Variants in NFKBID observed in about 807,000 individuals in gnomAD.
NFKBID encodes the protein NFKB inhibitor delta, also known as NF-kappa-B inhibitor delta.
A neutral mutation model predicts 53.4 loss-of-function variants in NFKBID; 26 were observed. The ratio of observed to expected loss-of-function variants is 0.49; its 90% CI spans 0.36 to 0.68. NFKBID has a LOEUF of 0.68. Among genes scored for constraint, NFKBID ranks in the 30% least tolerant of loss-of-function variants. The pLI, the probability that NFKBID is intolerant of heterozygous loss-of-function variation, is 0.00. For missense variants in NFKBID, 493 were observed against 614.1 expected (o/e 0.80, Z 2.08); for synonymous variants, 262 against 259.8 (o/e 1.01, Z -0.08).
Position 35,896,565 on chromosome 19 carries a change from G to A in NFKBID, c.685-27C>T, listed in dbSNP as rs1465637928. ...TGCAGGCCACAGGAGAAGTCAGGTT[G>A]GGCTCCTGGTTCCCTCCCGTCAGAA... On this transcript the variant is annotated intron_variant, in intron 6 of 11. Coordinates refer to ENST00000641389, the Ensembl canonical transcript of NFKBID. This position sits in a 1 kb window ranked among gnomAD's most constrained non-coding sequence, Gnocchi z 5.7. 3 of 1,612,166 alleles carry A rather than the reference G, an allele frequency of 1.9e-6. No homozygotes were observed. The highest frequency in any genetic ancestry group is 1.3e-5 in the African/African-American group (1 of 74,912).
At position 35,888,279 on chromosome 19, in the gene NFKBID, G is replaced by A; in HGVS notation, c.*280C>T. 7.3e-6 allele frequency: 3 copies of A among 411,306 alleles called. No individual in the cohort carries two copies. In the South Asian group the frequency reaches 9.1e-5, roughly 13 times the overall value. 25.5% of individuals were successfully genotyped at this position (411,306 alleles called of 1,614,324 possible). On this transcript the variant is annotated 3_prime_UTR_variant, in exon 12 of 12. Transcript: ENST00000641389. ...GAGAGAACCCGAAAGATCTCAGTGG[G>A]GAAAGGACTAGGGGTGCAGGGTGTT...
In NFKBID at chr19:35,896,865, C is replaced by A; in HGVS notation, c.579-34G>T. ...AGGTGGGGGACAGCCGTGAGAACAGCCCCCACCAAGCCAAGAGTCTGCAGA... is the reference window on the plus strand; with the variant it reads ...AGGTGGGGGACAGCCGTGAGAACAGACCCCACCAAGCCAAGAGTCTGCAGA... On this transcript the variant is annotated intron_variant, in intron 5 of 11. Transcript: ENST00000641389. The surrounding 1 kb of genome is among the most constrained non-coding windows in gnomAD (Gnocchi z 5.7). 2 of 1,613,606 alleles carry A rather than the reference C, an allele frequency of 1.2e-6. No homozygotes were observed. Among genetic ancestry groups the A allele is most frequent in the South Asian group, 1.1e-5 (1 of 91,064 alleles).
At chr19:35,891,696 G>A (rs778078979) in intron 9 of NFKBID, among the ~76,000 whole-genome samples, 19 of 152,006 alleles carry the variant, frequency 1.2e-4, no homozygotes, top group African/African-American at 2.9e-4. Context: ...TGGTGAAACC[G>A]TCTCTACTAA....
chr19:35,888,254 G>T, exon 12 of NFKBID: 1 of 355,834 alleles, frequency 2.8e-6, no homozygotes, highest in Non-Finnish European at 5.2e-6. Flanking sequence ...TGAGTTAGGG[G>T]AGAGAACCCG....
rs140288886 is a variant in NFKBID at position 35,891,862 on chromosome 19, G to A, written c.1033-1372C>T. 1.1e-4 allele frequency among the ~76,000 whole-genome samples: 17 copies of A among 149,814 alleles called. No individual in the cohort carries two copies. In the East Asian group the frequency reaches 3.2e-3, roughly 28 times the overall value. On this transcript the variant is annotated intron_variant, in intron 9 of 11. Coordinates refer to ENST00000641389, the Ensembl canonical transcript of NFKBID. The stretch of plus-strand genomic sequence containing the variant: ...AGCCTGGGCAACAGAGTGAGACTCC[G>A]TCTCAAAAAAAAAAAGCTATGTTTT...
At position 35,896,783 on chromosome 19, in the gene NFKBID, A is replaced by C; in HGVS notation, c.627T>G (p.Ala209=). 5.6e-6 allele frequency: 9 copies of C among 1,613,974 alleles called. No homozygotes were observed. Among genetic ancestry groups the C allele is most frequent in the Non-Finnish European group, 7.6e-6 (9 of 1,179,890 alleles). The change falls in exon 6 of 12, where the codon GCT becomes GCG. Residue 209 remains alanine, a synonymous_variant. Transcript: ENST00000641389. The surrounding 1 kb of genome is among the most constrained non-coding windows in gnomAD (Gnocchi z 5.7). ...GGTACACCTGGAGCACCTCAGCCGC[A>C]GCATATGCCGCCCAGCGCAGCCCCC...
exon 4 of NFKBID, chr19:35,897,763 T>C (rs928899797): frequency 8.7e-6 from 14 of 1,608,032 alleles, no homozygotes; most frequent in Admixed American, 1.7e-5. Flanking sequence ...GCTGTCAGTG[T>C]AGGCAGCATG....
At chr19:35,888,123 C>T (rs1002231724), downstream of NFKBID, 1 of 166,578 alleles carries the variant, frequency 6.0e-6, no homozygotes, top group Non-Finnish European at 1.3e-5. Context: ...GGGTGAGGAC[C>T]TGAAGGGTGT....
chr19:35,901,873 C>A (rs912172137), upstream of NFKBID: 3 of 389,918 alleles, frequency 7.7e-6, no homozygotes, highest in Non-Finnish European at 1.4e-5. Context: ...CCCCTGCTTT[C>A]AAGATGCCAT....
chr19:35,890,223 T>C, intron 10 of NFKBID, 151 bp downstream of exon 10: 1 of 848,236 alleles, frequency 1.2e-6, no homozygotes, highest in Non-Finnish European at 1.9e-6. Flanking sequence ...GGACTACATG[T>C]TCTGGGGCAA....
exon 3 of NFKBID, chr19:35,898,529 G>T (rs749904137): frequency 1.3e-6 from 2 of 1,531,510 alleles, no homozygotes; most frequent in South Asian, 2.4e-5. Context: ...GGGAGAAATT[G>T]TCCCTGTAGA....
chr19:35,902,175 G>C (rs751268074), upstream of NFKBID: 1 of 702,848 alleles, frequency 1.4e-6, no homozygotes, highest in South Asian at 1.5e-5. Flanking sequence ...CACTTTCCCC[G>C]CAAACCCACT....
intron 9 of NFKBID, among the ~76,000 whole-genome samples, chr19:35,892,862 T>C (rs1974868854): frequency 6.6e-6 from 1 of 152,220 alleles, no homozygotes; most frequent in South Asian, 2.1e-4. Flanking sequence ...AAGTGGTCTT[T>C]TCTTATTAAA....
rs759492530 is a variant in NFKBID, at chr19:35,896,145, GT to G, written c.884-18del. On this transcript the variant is annotated intron_variant, in intron 8 of 11. Transcript: ENST00000641389. This position sits in a 1 kb window ranked among gnomAD's most constrained non-coding sequence, Gnocchi z 5.7. ...GGGTGAGGCCTGCAGAATGGAGACA[GT>G]GAGGGACCCGCATCTGCACCCACCT... is the stretch of plus-strand genomic sequence containing the variant. 1.2e-6 allele frequency: 2 copies of G among 1,614,012 alleles called. No homozygotes were observed. Among genetic ancestry groups the G allele is most frequent in the Non-Finnish European group, 1.7e-6 (2 of 1,179,880 alleles).
chr19:35,888,605 T>G, exon 12 of NFKBID: 1 of 1,571,634 alleles, frequency 6.4e-7, no homozygotes, highest in Non-Finnish European at 8.6e-7. Flanking sequence ...CTTCAACAGC[T>G]GCCGGAGCTG....
At chr19:35,897,058 C>T (rs775054726) in exon 5 of NFKBID, 4 of 1,599,418 alleles carry the variant, frequency 2.5e-6, no homozygotes, top group African/African-American at 2.7e-5. Context: ...CAGGGTCCAG[C>T]CTGTGGCAGA....
chr19:35,892,404 G>A (rs181184557), intron 9 of NFKBID, among the ~76,000 whole-genome samples: 1 of 151,824 alleles, frequency 6.6e-6, no homozygotes, highest in Non-Finnish European at 1.5e-5. Context: ...ACAAAAATTA[G>A]TGGGGTGTGA....
intron 1 of NFKBID, among the ~76,000 whole-genome samples, chr19:35,899,106 C>T (rs1009543174): frequency 2.6e-5 from 4 of 152,208 alleles, no homozygotes; most frequent in African/African-American, 9.7e-5. Flanking sequence ...TCTGCAGCAA[C>T]CACCCCACTT....
rs758398436 is a variant in NFKBID at position 35,896,398 on chromosome 19, A to G, written c.825T>C (p.Val275=). Residue 275 remains valine (V), a synonymous_variant, in exon 7 of 12, where the codon GTT becomes GTC. Transcript: ENST00000641389. The surrounding 1 kb of genome is among the most constrained non-coding windows in gnomAD (Gnocchi z 5.7). ...GCCTGCCAGCTGGCCATACCAAGAGAACTCCTGGGAGCCCGTAGGTAGCGG... is the reference window on the plus strand; with the variant it reads ...GCCTGCCAGCTGGCCATACCAAGAGGACTCCTGGGAGCCCGTAGGTAGCGG... 4 of 1,614,110 alleles carry G rather than the reference A, an allele frequency of 2.5e-6. No homozygotes were observed. Among genetic ancestry groups the G allele is most frequent in the Middle Eastern group, 3.3e-4 (2 of 6,062 alleles).
Sources: gnomAD v4.1 joint callset for allele counts (sites outside exome capture counted in the v4.1 genomes callset) on GRCh38, gnomAD v4.1.1 for gene constraint, Gnocchi (gnomAD v3.1) non-coding constraint, MANE v1.5 for transcripts, NCBI Gene and HGNC (gene_info 2026-07-23, HGNC 2026-07-21) for gene names.